The following ASIC2 variants were observed in gnomAD, a reference collection of about 807,000 sequenced individuals.
ASIC2 encodes the protein acid-sensing ion channel 2.
A neutral mutation model predicts 57.3 loss-of-function variants in ASIC2; 25 were observed. The observed-to-expected ratio is 0.44, with a 90% CI of 0.32 to 0.61. ASIC2 has a LOEUF of 0.61. ASIC2 is among the 20% of genes least tolerant of loss of function. The pLI is 0.06. For missense variants in ASIC2, 641 were observed against 738.1 expected (o/e 0.87, Z 1.52); for synonymous variants, 319 against 307.5 (o/e 1.04, Z -0.39).
At chr17:33,867,995 G>T (rs2141929151) in intron 1 of ASIC2, among the ~76,000 whole-genome samples, 1 of 152,272 alleles carries the variant, frequency 6.6e-6, no homozygotes, top group East Asian at 1.9e-4. Flanking sequence ...ACATCTCCTG[G>T]TTCATAATTT....
intron 1 of ASIC2, among the ~76,000 whole-genome samples, chr17:33,533,261 G>A (rs551594028): frequency 1.1e-3 from 167 of 152,178 alleles, no homozygotes; most frequent in Middle Eastern, 6.8e-3. Flanking sequence ...CAGGAGAATC[G>A]CTTGAACTCA....
At chr17:34,010,990 CTA>C (rs1166029477) in intron 1 of ASIC2, among the ~76,000 whole-genome samples, 4 of 7,332 alleles carry the variant, frequency 5.5e-4, no homozygotes, top group African/African-American at 1.4e-3. Context: ...ACACATACCT[CTA>C]GTCAGACACA....
intron 1 of ASIC2, among the ~76,000 whole-genome samples, chr17:33,464,206 C>T (rs1912734651): frequency 6.6e-6 from 1 of 152,180 alleles, no homozygotes; most frequent in Non-Finnish European, 1.5e-5. Flanking sequence ...CTTGACCCTG[C>T]CTGCTCAGTG....
chr17:34,150,491 A>T (rs960569694), intron 1 of ASIC2, among the ~76,000 whole-genome samples: 1 of 152,210 alleles, frequency 6.6e-6, no homozygotes, highest in Admixed American at 6.5e-5. Flanking sequence ...ACTTCAAAGC[A>T]GTGTTGTACA....
intron 1 of ASIC2, among the ~76,000 whole-genome samples, chr17:33,576,183 G>T (rs1916615109): frequency 6.6e-6 from 1 of 152,120 alleles, no homozygotes; most frequent in South Asian, 2.1e-4. Flanking sequence ...CTTGCATTCT[G>T]CCCCAGACTG....
chr17:33,048,507 G>A (rs1475795297), intron 3 of ASIC2, among the ~76,000 whole-genome samples: 3 of 152,188 alleles, frequency 2.0e-5, no homozygotes, highest in Non-Finnish European at 4.4e-5. Context: ...TAAAATCCAG[G>A]TAAGGGGCTT....
intron 1 of ASIC2, among the ~76,000 whole-genome samples, chr17:33,120,259 A>G (rs1409125421): frequency 2.0e-5 from 3 of 152,180 alleles, no homozygotes; most frequent in Non-Finnish European, 4.4e-5. Context: ...GAGACCTTCT[A>G]GTCTCCTGCT....
At chr17:33,246,291 A>C (rs1419236338) in intron 1 of ASIC2, among the ~76,000 whole-genome samples, 1 of 152,182 alleles carries the variant, frequency 6.6e-6, no homozygotes, top group Non-Finnish European at 1.5e-5. Context: ...GGTATGGGGC[A>C]GATGGAGTTG....
intron 1 of ASIC2, among the ~76,000 whole-genome samples, chr17:34,042,943 T>C (rs543420840): frequency 6.6e-6 from 1 of 152,336 alleles, no homozygotes; most frequent in East Asian, 1.9e-4. Context: ...TGCAGAATAC[T>C]ATATAGCAAT....
In ASIC2 at chr17:33,894,350, CGTGTGTGTGTGTGT is replaced by C. The variant is rs201934419; in HGVS notation, c.555+261614_555+261627del. 6.7e-3 allele frequency among the ~76,000 whole-genome samples: 929 copies of C among 138,554 alleles called. 9 individuals carry two copies. The highest frequency in any genetic ancestry group is 6.7e-3 in the Non-Finnish European group (424 of 63,282). 90.9% of individuals were successfully genotyped at this position (138,554 alleles called of 152,430 possible). ...CTCTGCGTGCGTGCGTGCGTGCGTG[CGTGTGTGTGTGTGT>C]GTGTGTGTGTGTGTGTGTGTTCATG... On this transcript the variant is annotated intron_variant, in intron 1 of 9. Coordinates refer to the ASIC2 transcript ENST00000359872.
chr17:33,857,928 C>T (rs1361934382), intron 1 of ASIC2, among the ~76,000 whole-genome samples: 4 of 152,220 alleles, frequency 2.6e-5, no homozygotes, highest in African/African-American at 7.2e-5. Flanking sequence ...AATGAGCAGA[C>T]GCCTGTTCAC....
intron 1 of ASIC2, among the ~76,000 whole-genome samples, chr17:33,502,751 G>A (rs1036982023): frequency 6.6e-6 from 1 of 152,096 alleles, no homozygotes; most frequent in Admixed American, 6.5e-5. Context: ...CCTTAAAATG[G>A]GTTGGCCTCA....
intron 1 of ASIC2, among the ~76,000 whole-genome samples, chr17:33,653,442 A>G (rs58340874): frequency 9.5e-4 from 144 of 152,354 alleles, no homozygotes; most frequent in African/African-American, 3.2e-3. Flanking sequence ...AGCTCAGCAC[A>G]TATTATTTAC....
chr17:34,031,804 T>C (rs1023550243), intron 1 of ASIC2, among the ~76,000 whole-genome samples: 1 of 151,686 alleles, frequency 6.6e-6, no homozygotes, highest in African/African-American at 2.4e-5. Flanking sequence ...AGAAGAGAAG[T>C]TTAGAGAAAA....
chr17:33,967,794 C>T (rs775969626), intron 1 of ASIC2, among the ~76,000 whole-genome samples: 1 of 152,202 alleles, frequency 6.6e-6, no homozygotes, highest in Non-Finnish European at 1.5e-5. Context: ...ATTAATTCCT[C>T]ACCACACCCC....
chr17:33,091,874 G>C (rs4077500), intron 2 of ASIC2, among the ~76,000 whole-genome samples: 10 of 152,064 alleles, frequency 6.6e-5, no homozygotes, highest in African/African-American at 2.2e-4. Context: ...GTAGGTGCCA[G>C]TTATGAAAGG....
At chr17:33,524,134 C>G (rs1567639024) in intron 1 of ASIC2, among the ~76,000 whole-genome samples, 4 of 152,180 alleles carry the variant, frequency 2.6e-5, no homozygotes, top group Non-Finnish European at 2.9e-5. Context: ...AGGAGTTTCT[C>G]TCACCATCCC....
chr17:33,777,964 C>T (rs775635142), intron 1 of ASIC2, among the ~76,000 whole-genome samples: 4 of 152,164 alleles, frequency 2.6e-5, no homozygotes, highest in East Asian at 1.9e-4. Flanking sequence ...CTTATTTCCA[C>T]GATGGGCTGT....
intron 1 of ASIC2, among the ~76,000 whole-genome samples, chr17:33,564,688 TGGCCCTAAAACC>T (rs1050168994): frequency 2.0e-4 from 31 of 152,294 alleles, no homozygotes; most frequent in African/African-American, 6.7e-4. Flanking sequence ...GGCCATAAAC[TGGCCCTAAAACC>T]GGCCATAAAC....
Sources: gnomAD v4.1 joint callset for allele counts (sites outside exome capture counted in the v4.1 genomes callset) on GRCh38, gnomAD v4.1.1 for gene constraint, MANE v1.5 for transcripts, NCBI Gene and HGNC (gene_info 2026-07-23, HGNC 2026-07-21) for gene names.